Variants in SND1 observed in about 807,000 individuals in gnomAD.
SND1 encodes the protein staphylococcal nuclease domain-containing protein 1.
SND1 carries 38 observed loss-of-function variants against 121.7 expected under a neutral mutation model. The ratio of observed to expected loss-of-function variants is 0.31; its 90% CI spans 0.24 to 0.41. The LOEUF (loss-of-function observed/expected upper bound fraction) is 0.41, where lower values mean the gene tolerates loss of function less well. Ranked by LOEUF, SND1 falls within the 10% of genes least tolerant of loss-of-function variation. The probability of loss-of-function intolerance (pLI) is 1.00; values close to 1 mark genes in which losing one functional copy is unlikely to be tolerated. For missense variants in SND1, 868 were observed against 1,184.6 expected, an observed-to-expected ratio of 0.73 and a Z score of 3.92; for synonymous variants, 401 against 447.4, an observed-to-expected ratio of 0.90 and a Z score of 1.31.
chr7:127,679,760 G>A (rs116892093), intron 1 of SND1, among the ~76,000 whole-genome samples: 22 of 152,290 alleles, frequency 1.4e-4, no homozygotes, highest in Non-Finnish European at 3.2e-4. Flanking sequence ...ACATCAATCA[G>A]TACGCAATCT....
At chr7:127,970,000 G>A (rs1011210409) in intron 15 of SND1, among the ~76,000 whole-genome samples, 4 of 152,134 alleles carry the variant, frequency 2.6e-5, no homozygotes, top group African/African-American at 7.2e-5. Flanking sequence ...AGTGCCCTAC[G>A]CAGCAGAAGG....
intron 14 of SND1, among the ~76,000 whole-genome samples, chr7:127,908,626 C>G (rs916128535): frequency 1.3e-5 from 2 of 152,066 alleles, no homozygotes; most frequent in Non-Finnish European, 2.9e-5. Flanking sequence ...GGTACTAGGT[C>G]TTACTTGATT....
At chr7:127,802,135 G>A (rs909940859) in intron 10 of SND1, among the ~76,000 whole-genome samples, 6 of 152,070 alleles carry the variant, frequency 3.9e-5, no homozygotes, top group Non-Finnish European at 7.4e-5. Context: ...GTGAACCACC[G>A]CGCCCAGCTC....
At chr7:127,710,516 T>C (rs1470371234) in intron 9 of SND1, among the ~76,000 whole-genome samples, 1 of 152,196 alleles carries the variant, frequency 6.6e-6, no homozygotes, top group Non-Finnish European at 1.5e-5. Flanking sequence ...ACAAGTTCCT[T>C]ATCTTACTGC....
intron 14 of SND1, among the ~76,000 whole-genome samples, chr7:127,917,414 G>A (rs140860246): frequency 1.4e-4 from 22 of 152,262 alleles, no homozygotes; most frequent in African/African-American, 5.1e-4. Context: ...GAGCCTGACT[G>A]TTGGGCTTTT....
intron 10 of SND1, among the ~76,000 whole-genome samples, chr7:127,800,981 C>G (rs936485987): frequency 6.6e-6 from 1 of 152,178 alleles, no homozygotes; most frequent in Non-Finnish European, 1.5e-5. Context: ...TTCAGTCTGT[C>G]CATTTGCTAT....
At chr7:127,846,139 G>T (rs1799057472) in intron 12 of SND1, among the ~76,000 whole-genome samples, 1 of 152,124 alleles carries the variant, frequency 6.6e-6, no homozygotes, top group African/African-American at 2.4e-5. Flanking sequence ...AACACAGGTT[G>T]GTTGGTCTTA....
At chr7:128,046,312 T>TGGGTTTTTTG (rs1180661372) in intron 16 of SND1, among the ~76,000 whole-genome samples, 1 of 151,482 alleles carries the variant, frequency 6.6e-6, no homozygotes, top group Non-Finnish European at 1.5e-5. Flanking sequence ...TTGCCCATGC[T>TGGGTTTTTTG]GGGTTTTTTG....
At chr7:127,933,442 T>A (rs557293509) in intron 15 of SND1, among the ~76,000 whole-genome samples, 1 of 152,250 alleles carries the variant, frequency 6.6e-6, no homozygotes, top group Non-Finnish European at 1.5e-5. Flanking sequence ...TTTTGGTTTC[T>A]TCAGAAACCT....
chr7:127,793,239 G>A (rs141149187), intron 10 of SND1, among the ~76,000 whole-genome samples: 1,994 of 152,282 alleles, frequency 0.013, 28 homozygotes, highest in South Asian at 0.048. Context: ...GGAGGCAGAC[G>A]ATAGAAACTG....
At chr7:127,934,140 T>C (rs938353529) in intron 15 of SND1, among the ~76,000 whole-genome samples, 5 of 124,664 alleles carry the variant, frequency 4.0e-5, no homozygotes, top group African/African-American at 1.4e-4. Context: ...TATCTTGAGC[T>C]GTGTTTTGAA....
intron 15 of SND1, among the ~76,000 whole-genome samples, chr7:127,940,233 G>A (rs572292431): frequency 1.8e-4 from 28 of 152,280 alleles, no homozygotes; most frequent in African/African-American, 6.0e-4. Flanking sequence ...CACCTGTCTC[G>A]TTGGTTGTGC....
intron 12 of SND1, among the ~76,000 whole-genome samples, chr7:127,876,612 A>G (rs1315279298): frequency 6.6e-6 from 1 of 152,204 alleles, no homozygotes; most frequent in Non-Finnish European, 1.5e-5. Context: ...GATGAATCAT[A>G]CAAATTCACA....
chr7:127,874,683 T>C (rs1182766708), intron 12 of SND1, among the ~76,000 whole-genome samples: 1 of 152,156 alleles, frequency 6.6e-6, no homozygotes, highest in Admixed American at 6.6e-5. Context: ...CTACTTTACG[T>C]TGGAATATAT....
chr7:128,060,793 T>C (rs976390882), intron 16 of SND1, among the ~76,000 whole-genome samples: 1 of 152,322 alleles, frequency 6.6e-6, no homozygotes, highest in Admixed American at 6.5e-5. Context: ...AGGAGGCAGC[T>C]GTTCTTATTC....
chr7:127,794,584 CCTT>C (rs1797978556), intron 10 of SND1, among the ~76,000 whole-genome samples: 1 of 152,222 alleles, frequency 6.6e-6, no homozygotes. Context: ...CTCACCCGCT[CCTT>C]CTGTCTGTTA....
At position 128,089,700 on chromosome 7, in the gene SND1, A is replaced by G. The variant is rs1793745299; in HGVS notation, c.2622+8A>G. The G allele has an allele frequency of 1.9e-6, 3 of 1,613,502 alleles. No individual in the cohort carries two copies. Among genetic ancestry groups the G allele is most frequent in the Middle Eastern group, 1.6e-4 (1 of 6,062 alleles). On this transcript the variant is annotated splice_region_variant and intron_variant, in intron 22 of 23. Coordinates refer to ENST00000354725, the MANE Select transcript of SND1 (RefSeq NM_014390.4). ...AAACAGTTCCAGAAAGTGGTATGTG[A>G]TGTGGAGAGGCGGCCCCAGCATTGC...
At chr7:127,993,910 G>A (rs1189195506) in intron 16 of SND1, among the ~76,000 whole-genome samples, 4 of 152,174 alleles carry the variant, frequency 2.6e-5, no homozygotes, top group African/African-American at 9.7e-5. Flanking sequence ...AAACTAACCT[G>A]AGGAAGATAC....
rs960476804 is a variant in SND1, at chr7:127,677,225, C to T, written c.79-9388C>T. Among the ~76,000 whole-genome samples the T allele has an allele frequency of 3.9e-5, 6 of 152,314 alleles. No homozygotes were observed. In the East Asian group the frequency reaches 7.7e-4, roughly 20 times the overall value. ...TTATTTTGTTTAGGTTTCATAACAA[C>T]TCTTTATTTTATTTTTATTTCAGCA... On this transcript the variant is annotated intron_variant, in intron 1 of 23. Transcript: ENST00000354725.
Sources: allele counts gnomAD v4.1 joint callset (sites outside exome capture counted in the v4.1 genomes callset), GRCh38; gene constraint gnomAD v4.1.1; transcripts MANE v1.5; gene names NCBI Gene and HGNC (gene_info 2026-07-23, HGNC 2026-07-21).